TP53BP1: variants seen among roughly 807,000 people sequenced by gnomAD.
The protein encoded by TP53BP1 is tumor protein p53 binding protein 1, also known as TP53-binding protein 1.
Under a neutral mutation model 200.8 loss-of-function variants are expected in TP53BP1, and 61 were observed. That is an observed-to-expected ratio of 0.30 (90% CI 0.25 to 0.38). The LOEUF (loss-of-function observed/expected upper bound fraction) is 0.38. TP53BP1 is among the 10% of genes least tolerant of loss of function. The pLI, the probability that TP53BP1 is intolerant of heterozygous loss-of-function variation, is 1.00. For missense variants in TP53BP1, 2,144 were observed against 2,371.9 expected, an observed-to-expected ratio of 0.90 and a Z score of 2.00; for synonymous variants, 822 against 844.3, an observed-to-expected ratio of 0.97 and a Z score of 0.46.
chr15:43,487,841 A>G (rs1251330220), intron 4 of TP53BP1, among the ~76,000 whole-genome samples: 1 of 152,144 alleles, frequency 6.6e-6, no homozygotes, highest in Non-Finnish European at 1.5e-5. Flanking sequence ...CAGCTTCTCA[A>G]TAGTAGTCAA....
intron 4 of TP53BP1, among the ~76,000 whole-genome samples, chr15:43,482,584 A>G (rs1157891783): frequency 6.6e-6 from 1 of 152,024 alleles, no homozygotes; most frequent in Non-Finnish European, 1.5e-5. Flanking sequence ...CCGGCGAACA[A>G]GGTGAAACCC....
intron 12 of TP53BP1, among the ~76,000 whole-genome samples, chr15:43,451,829 T>G (rs1014419120): frequency 6.6e-6 from 1 of 152,232 alleles, no homozygotes; most frequent in Admixed American, 6.5e-5. Context: ...ACCATTACTT[T>G]TTAGATTACT....
At chr15:43,491,635 T>C in intron 4 of TP53BP1, 34 bp downstream of exon 4, 1 of 1,457,066 alleles carries the variant, frequency 6.9e-7, no homozygotes, top group South Asian at 1.1e-5. Context: ...AATCTGATAA[T>C]ACATTTAAAT....
intron 2 of TP53BP1, 40 bp from the exon 3 acceptor site, chr15:43,492,135 A>C: frequency 6.5e-7 from 1 of 1,541,056 alleles, no homozygotes. Flanking sequence ...TTATATATGA[A>C]ATAGTTCAAA....
At chr15:43,503,590 C>T (rs1372007476) in intron 1 of TP53BP1, among the ~76,000 whole-genome samples, 1 of 151,946 alleles carries the variant, frequency 6.6e-6, no homozygotes, top group East Asian at 1.9e-4. Flanking sequence ...ACCCGGGAGG[C>T]GGAGGTTGCA....
intron 11 of TP53BP1, among the ~76,000 whole-genome samples, chr15:43,464,457 G>C (rs186135385): frequency 1.3e-5 from 2 of 152,116 alleles, no homozygotes; most frequent in African/African-American, 4.8e-5. Flanking sequence ...ATACATAAGA[G>C]AAATAAAACC....
In TP53BP1 at chr15:43,456,314, T is replaced by A. The variant is rs565527162; in HGVS notation, c.2294A>T (p.Asp765Val). ...TSEDSSVVIV[D>V]VKEPSPRVDV... Reference sequence around the variant, plus strand: ...AACTCTGGGAGATGGCTCTTTCACATCTACAATGACAACACTGGAGTCCTC... The same window carrying A: ...AACTCTGGGAGATGGCTCTTTCACAACTACAATGACAACACTGGAGTCCTC... The change falls in exon 12 of 28, where the codon GAT becomes GTT. Residue 765 changes from aspartate (D) to valine (V), a missense_variant. Asp to Val is a radical substitution (Grantham distance 152). This residue lies in a region of TP53BP1 where 1,700 missense variants were observed against 1,710.3 expected (regional missense o/e 0.99). Coordinates refer to ENST00000382044, the MANE Select transcript of TP53BP1 (RefSeq NM_001141980.3). The A allele has an allele frequency of 1.2e-6, 2 of 1,614,128 alleles. No individual in the cohort carries two copies. Among genetic ancestry groups the A allele is most frequent in the African/African-American group, 1.3e-5 (1 of 75,070 alleles).
chr15:43,507,349 G>C (rs1298439657), intron 1 of TP53BP1, among the ~76,000 whole-genome samples: 1 of 152,136 alleles, frequency 6.6e-6, no homozygotes, highest in Non-Finnish European at 1.5e-5. Context: ...TGGCCAGGCT[G>C]GTCTCGAACT....
chr15:43,460,793 CAGA>C (rs1254941050), intron 11 of TP53BP1, among the ~76,000 whole-genome samples: 1 of 150,770 alleles, frequency 6.6e-6, no homozygotes, highest in African/African-American at 2.4e-5. Context: ...AAGGCCGAGG[CAGA>C]AGGATTACTT....
intron 23 of TP53BP1, 91 bp downstream of exon 23, chr15:43,415,503 C>T: frequency 7.4e-7 from 1 of 1,351,924 alleles, no homozygotes; most frequent in Non-Finnish European, 1.1e-6. Context: ...ACAGAAGGGC[C>T]ACTGCCACAT....
intron 13 of TP53BP1, chr15:43,446,938 G>T: frequency 1.6e-6 from 1 of 607,396 alleles, no homozygotes; most frequent in Non-Finnish European, 2.9e-6. Context: ...ATAGGTTAAT[G>T]TAGAAGACTA....
chr15:43,449,441 A>G (rs1336024229), intron 12 of TP53BP1, among the ~76,000 whole-genome samples: 1 of 152,280 alleles, frequency 6.6e-6, no homozygotes, highest in Non-Finnish European at 1.5e-5. Flanking sequence ...GCAAGCATTA[A>G]TCGCTGAAAA....
intron 14 of TP53BP1, among the ~76,000 whole-genome samples, chr15:43,443,897 G>A (rs773454091): frequency 3.3e-5 from 5 of 152,102 alleles, no homozygotes; most frequent in African/African-American, 9.7e-5. Flanking sequence ...AAATATTCAT[G>A]ACCCAACATA....
At chr15:43,422,152 G>T (rs917484878) in intron 18 of TP53BP1, 26 bp from the exon 19 acceptor site, 2 of 1,604,442 alleles carry the variant, frequency 1.2e-6, no homozygotes. Flanking sequence ...AGATACAGAA[G>T]ATAAAAGATG....
chr15:43,498,816 AG>A (rs2079194285), intron 1 of TP53BP1, among the ~76,000 whole-genome samples: 1 of 152,198 alleles, frequency 6.6e-6, no homozygotes, highest in African/African-American at 2.4e-5. Context: ...ATAAAGAAAG[AG>A]AATGGTACCA....
chr15:43,499,978 C>T (rs940259897), intron 1 of TP53BP1, among the ~76,000 whole-genome samples: 4 of 152,110 alleles, frequency 2.6e-5, no homozygotes, highest in Admixed American at 6.5e-5. Flanking sequence ...ATAATGAATA[C>T]TTCTTGAGCA....
Position 43,404,394 on chromosome 15 carries a change from T to TGA in TP53BP1, c.*2987_*2988dup, listed in dbSNP as rs2142901178. ...TGGTGAGCTGAAGTGGAATGACAGC[T>TGA]GAGTCCTTCTCTCTGCAGGGCTTTA... On this transcript the variant is annotated 3_prime_UTR_variant, in exon 28 of 28. Transcript: ENST00000382044. 1.1e-5 allele frequency: 18 copies of TGA among 1,613,888 alleles called. No individual in the cohort carries two copies. Among genetic ancestry groups the TGA allele is most frequent in the Non-Finnish European group, 1.5e-5 (18 of 1,179,850 alleles).
rs1223341277 is a variant in TP53BP1 at position 43,407,117 on chromosome 15, CG to C, written c.*265del. On this transcript the variant is annotated 3_prime_UTR_variant, in exon 28 of 28. Transcript: ENST00000382044. ...TCAATTTCCTTGGCCAGCTGTCCTC[CG>C]TAAGTGAATAAGCCTGTTGAAAGAC... The C allele has an allele frequency of 3.2e-5, 12 of 376,402 alleles. No homozygotes were observed. In the East Asian group the frequency reaches 5.8e-4, roughly 18 times the overall value. 23.3% of individuals were successfully genotyped at this position (376,402 alleles called of 1,614,324 possible). A position where few individuals can be genotyped will look rare whatever the true frequency, so the allele number is the denominator to read the frequency against.
At chr15:43,435,920 T>G (rs1239510710) in intron 16 of TP53BP1, among the ~76,000 whole-genome samples, 1 of 152,124 alleles carries the variant, frequency 6.6e-6, no homozygotes, top group Non-Finnish European at 1.5e-5. Flanking sequence ...GGTCACTAAC[T>G]CCTGGCCTCA....
Sources: gnomAD v4.1 joint callset for allele counts (sites outside exome capture counted in the v4.1 genomes callset) on GRCh38, gnomAD v4.1.1 for gene constraint, gnomAD v4.1.1 regional missense constraint, MANE v1.5 for transcripts, NCBI Gene and HGNC (gene_info 2026-07-23, HGNC 2026-07-21) for gene names.